ASTN2: variants seen among roughly 807,000 people sequenced by gnomAD.
ASTN2 encodes astrotactin 2.
A neutral mutation model predicts 139.8 loss-of-function variants in ASTN2; 54 were observed. That is an observed-to-expected ratio of 0.39 (90% CI 0.31 to 0.48). The LOEUF is 0.48. Ranked by LOEUF, ASTN2 falls within the 20% of genes least tolerant of loss-of-function variation. ASTN2 has a pLI of 0.95. For synonymous variants in ASTN2, 756 were observed against 719.5 expected (o/e 1.05, Z -0.81); for missense variants, 1,565 against 1,725.1 (o/e 0.91, Z 1.64).
At chr9:116,949,998 G>A (rs149458827) in intron 10 of ASTN2, among the ~76,000 whole-genome samples, 4 of 151,850 alleles carry the variant, frequency 2.6e-5, no homozygotes, top group African/African-American at 7.2e-5. Flanking sequence ...TATTTTGGTG[G>A]TGATTGTTAT....
At chr9:117,198,181 C>A (rs369219167) in intron 3 of ASTN2, among the ~76,000 whole-genome samples, 4 of 151,798 alleles carry the variant, frequency 2.6e-5, no homozygotes, top group African/African-American at 9.7e-5. Flanking sequence ...CCTCCCCTCA[C>A]CCCCAACCCT....
intron 2 of ASTN2, among the ~76,000 whole-genome samples, chr9:117,220,725 G>C: frequency 6.6e-6 from 1 of 152,128 alleles, no homozygotes; most frequent in East Asian, 1.9e-4. Flanking sequence ...TCATGATTTT[G>C]GACTTCTGGC....
At chr9:116,990,983 G>C (rs1345280117) in intron 7 of ASTN2, among the ~76,000 whole-genome samples, 1 of 152,142 alleles carries the variant, frequency 6.6e-6, no homozygotes, top group African/African-American at 2.4e-5. Context: ...CCTGTCCAAA[G>C]GAAGAGTCCT....
At position 117,120,014 on chromosome 9, in the gene ASTN2, GTGTGTATATATATA is replaced by G. The variant is rs976092596; in HGVS notation, c.1168+21298_1168+21311del. Among the ~76,000 whole-genome samples the G allele has an allele frequency of 9.8e-3, 347 of 35,328 alleles. 1 individual carries two copies. The highest frequency in any genetic ancestry group is 0.042 in the Middle Eastern group (2 of 48). The allele number at this position is 35,328 out of a possible 152,430, so 23.2% of individuals were successfully genotyped here. A position where few individuals can be genotyped will look rare whatever the true frequency, so the allele number is the denominator to read the frequency against. ...TATGTGTGTGTGTGTGTGTGTGTGTGTGTGTATATATATATATATATATATATATATATATACCC... is the reference window on the plus strand; with the variant it reads ...TATGTGTGTGTGTGTGTGTGTGTGTGTATATATATATATATATATATACCC... On this transcript the variant is annotated intron_variant, in intron 4 of 22. Coordinates refer to ENST00000313400, the MANE Select transcript of ASTN2 (RefSeq NM_001365068.1).
intron 16 of ASTN2, among the ~76,000 whole-genome samples, chr9:116,682,943 G>A (rs1160995059): frequency 6.6e-6 from 1 of 151,740 alleles, no homozygotes; most frequent in East Asian, 1.9e-4. Flanking sequence ...GAGTTAATGG[G>A]TGCAGCACAC....
At chr9:117,169,937 T>C (rs1287039224) in intron 3 of ASTN2, among the ~76,000 whole-genome samples, 2 of 152,130 alleles carry the variant, frequency 1.3e-5, no homozygotes, top group African/African-American at 4.8e-5. Flanking sequence ...GGAGGCATCC[T>C]GGTCTTGGAA....
chr9:116,808,554 C>T (rs148487059), intron 12 of ASTN2, among the ~76,000 whole-genome samples: 9 of 152,216 alleles, frequency 5.9e-5, no homozygotes, highest in Admixed American at 3.9e-4. Context: ...TACCATAATG[C>T]TTTTAACTAA....
chr9:116,978,500 C>G (rs1214247524), intron 7 of ASTN2, among the ~76,000 whole-genome samples: 1 of 138,624 alleles, frequency 7.2e-6, no homozygotes, highest in Middle Eastern at 3.3e-3. Context: ...CTCACGCACA[C>G]ACACACACAC....
At chr9:116,748,230 A>G (rs1829300017) in intron 13 of ASTN2, among the ~76,000 whole-genome samples, 1 of 152,180 alleles carries the variant, frequency 6.6e-6, no homozygotes, top group Non-Finnish European at 1.5e-5. Flanking sequence ...CCTGCCCCAG[A>G]AGCTAAACAC....
At chr9:116,568,306 A>G (rs1200823869) in intron 19 of ASTN2, 4 of 152,258 alleles carry the variant, frequency 2.6e-5, no homozygotes, top group Non-Finnish European at 5.9e-5. Context: ...GGACTAGCCT[A>G]TAGTGAGCTC....
At chr9:117,323,569 C>A (rs1399215475) in intron 1 of ASTN2, among the ~76,000 whole-genome samples, 3 of 152,168 alleles carry the variant, frequency 2.0e-5, no homozygotes, top group Admixed American at 1.3e-4. Context: ...ACTCCCTGTT[C>A]TTACTCTGAA....
chr9:117,117,573 G>A (rs1564433987), intron 4 of ASTN2, among the ~76,000 whole-genome samples: 2 of 152,230 alleles, frequency 1.3e-5, no homozygotes, highest in East Asian at 1.9e-4. Context: ...CACATAGTAG[G>A]AGCTAACAAG....
chr9:117,033,785 C>T (rs1231215450), intron 6 of ASTN2, among the ~76,000 whole-genome samples: 1 of 152,084 alleles, frequency 6.6e-6, no homozygotes, highest in Non-Finnish European at 1.5e-5. Context: ...GTAAAACCAC[C>T]TAGCATCCCT....
At chr9:117,122,221 A>G (rs149588932) in intron 4 of ASTN2, among the ~76,000 whole-genome samples, 1 of 152,298 alleles carries the variant, frequency 6.6e-6, no homozygotes, top group Non-Finnish European at 1.5e-5. Context: ...TGCTATCAAG[A>G]AAACATGCAG....
At chr9:117,324,753 G>T (rs1315855232) in intron 1 of ASTN2, among the ~76,000 whole-genome samples, 1 of 152,138 alleles carries the variant, frequency 6.6e-6, no homozygotes, top group Non-Finnish European at 1.5e-5. Flanking sequence ...CTAGAGAGCT[G>T]GGCAGAGGCT....
chr9:116,639,156 G>C (rs890263302), intron 17 of ASTN2, among the ~76,000 whole-genome samples: 8 of 152,184 alleles, frequency 5.3e-5, no homozygotes, highest in African/African-American at 1.7e-4. Context: ...GTGGGTAGCA[G>C]ATCCTGGGAT....
chr9:117,309,422 C>A (rs1369592186), intron 1 of ASTN2, among the ~76,000 whole-genome samples: 1 of 152,232 alleles, frequency 6.6e-6, no homozygotes, highest in Non-Finnish European at 1.5e-5. Flanking sequence ...GGACTAGAAT[C>A]TAGCCTTCTG....
chr9:116,507,889 T>C, intron 19 of ASTN2, among the ~76,000 whole-genome samples: 1 of 152,164 alleles, frequency 6.6e-6, no homozygotes, highest in East Asian at 1.9e-4. Context: ...CTTTTATTTA[T>C]TTATTTATTT....
chr9:117,258,927 A>G (rs564569179), intron 2 of ASTN2, among the ~76,000 whole-genome samples: 1 of 152,216 alleles, frequency 6.6e-6, no homozygotes, highest in Non-Finnish European at 1.5e-5. Context: ...TGCCTAGAGT[A>G]GATATACAAA....
Sources: gnomAD v4.1 joint callset for allele counts (sites outside exome capture counted in the v4.1 genomes callset) on GRCh38, gnomAD v4.1.1 for gene constraint, MANE v1.5 for transcripts, NCBI Gene and HGNC (gene_info 2026-07-23, HGNC 2026-07-21) for gene names.